TENM2: variants seen among roughly 807,000 people sequenced by gnomAD.
TENM2 encodes the protein teneurin-2.
Under a neutral mutation model 245.2 loss-of-function variants are expected in TENM2, and 52 were observed. The ratio of observed to expected loss-of-function variants is 0.21; its 90% CI spans 0.17 to 0.27. The LOEUF (loss-of-function observed/expected upper bound fraction) is 0.27, where lower values mean the gene tolerates loss of function less well. Among genes scored for constraint, TENM2 ranks in the 10% least tolerant of loss-of-function variants. TENM2 has a pLI of 1.00. For synonymous variants in TENM2, 1,363 were observed against 1,438.9 expected (o/e 0.95, Z 1.19); for missense variants, 3,046 against 3,666.8 (o/e 0.83, Z 4.37).
intron 2 of TENM2, among the ~76,000 whole-genome samples, chr5:167,813,816 T>G (rs1766826368): frequency 6.6e-6 from 1 of 152,170 alleles, no homozygotes; most frequent in African/African-American, 2.4e-5. Flanking sequence ...GGTGATGAAT[T>G]TTTAAATCCT....
intron 1 of TENM2, among the ~76,000 whole-genome samples, chr5:167,317,248 G>A (rs1756418683): frequency 1.3e-5 from 2 of 152,092 alleles, no homozygotes; most frequent in South Asian, 2.1e-4. Flanking sequence ...ATGGCCATTG[G>A]TGTTTTGTCT....
chr5:167,837,122 A>C (rs1477025957), intron 2 of TENM2, among the ~76,000 whole-genome samples: 1 of 152,030 alleles, frequency 6.6e-6, no homozygotes, highest in Non-Finnish European at 1.5e-5. Flanking sequence ...ATAGTGTTTT[A>C]TAATATATTT....
chr5:167,627,061 C>T (rs1406177564), intron 2 of TENM2, among the ~76,000 whole-genome samples: 1 of 152,158 alleles, frequency 6.6e-6, no homozygotes, highest in Non-Finnish European at 1.5e-5. Flanking sequence ...ATTTTTATTT[C>T]ATGAATTGGA....
chr5:168,071,204 A>G (rs1790987866), intron 7 of TENM2, among the ~76,000 whole-genome samples: 1 of 152,204 alleles, frequency 6.6e-6, no homozygotes, highest in Non-Finnish European at 1.5e-5. Context: ...GCTCAGAGCA[A>G]TCAATATTGG....
chr5:167,234,758 C>G, the TENM2 span, among the ~76,000 whole-genome samples: 1 of 152,092 alleles, frequency 6.6e-6, no homozygotes, highest in African/African-American at 2.4e-5. Flanking sequence ...GGCTTGTCCT[C>G]CATCATGGGC....
intron 1 of TENM2, among the ~76,000 whole-genome samples, chr5:167,304,846 GT>G: frequency 6.6e-6 from 1 of 152,238 alleles, no homozygotes; most frequent in Non-Finnish European, 1.5e-5. Flanking sequence ...AGAGCTGTCA[GT>G]TCAGATTTCA....
At chr5:167,238,576 A>C in the TENM2 span, among the ~76,000 whole-genome samples, 1 of 152,128 alleles carries the variant, frequency 6.6e-6, no homozygotes, top group Non-Finnish European at 1.5e-5. Flanking sequence ...TTTGCGGGAC[A>C]AGCCTGCTAG....
At chr5:167,721,575 G>C (rs989241991) in intron 2 of TENM2, among the ~76,000 whole-genome samples, 55 of 152,166 alleles carry the variant, frequency 3.6e-4, no homozygotes, top group African/African-American at 1.3e-3. Context: ...AAAGCCAGAA[G>C]TGTAGCCTCT....
At chr5:167,738,209 C>A (rs185680673) in intron 2 of TENM2, among the ~76,000 whole-genome samples, 128 of 152,292 alleles carry the variant, frequency 8.4e-4, no homozygotes, top group Middle Eastern at 3.4e-3. Context: ...AATGCAGTAG[C>A]ACGGTGGAAG....
intron 13 of TENM2, among the ~76,000 whole-genome samples, chr5:168,180,155 C>G (rs901170700): frequency 6.6e-6 from 1 of 152,206 alleles, no homozygotes; most frequent in African/African-American, 2.4e-5. Context: ...GGAGGTATGG[C>G]TGGTCCTTCC....
chr5:167,872,548 G>GAAAGAAAGAGAGAGAAAGAA (rs1313191288), intron 2 of TENM2, among the ~76,000 whole-genome samples: 2 of 65,438 alleles, frequency 3.1e-5, no homozygotes, highest in African/African-American at 4.4e-5. Context: ...AAGAAAGAAA[G>GAAAGAAAGAGAGAGAAAGAA]AGAAAGAAAG....
intron 5 of TENM2, among the ~76,000 whole-genome samples, chr5:168,041,938 T>C (rs901970924): frequency 2.0e-5 from 3 of 152,266 alleles, no homozygotes; most frequent in African/African-American, 7.2e-5. Flanking sequence ...GCAGGTTGCC[T>C]ATGCAAGTTC....
At chr5:167,368,460 T>G (rs1408911445) in intron 1 of TENM2, among the ~76,000 whole-genome samples, 1 of 152,208 alleles carries the variant, frequency 6.6e-6, no homozygotes, top group Non-Finnish European at 1.5e-5. Context: ...AGTTCATTAA[T>G]TTTCCTAAGG....
At chr5:167,399,511 C>A (rs538089868) in intron 2 of TENM2, among the ~76,000 whole-genome samples, 1 of 152,298 alleles carries the variant, frequency 6.6e-6, no homozygotes, top group Admixed American at 6.5e-5. Flanking sequence ...AAAATCCCTG[C>A]CCCCAAGTAA....
chr5:167,070,568 G>A, the TENM2 span, among the ~76,000 whole-genome samples: 1 of 151,976 alleles, frequency 6.6e-6, no homozygotes, highest in East Asian at 1.9e-4. Flanking sequence ...ATGTGCCATT[G>A]TGTTAAGTGA....
intron 2 of TENM2, among the ~76,000 whole-genome samples, chr5:167,642,302 GAGA>G (rs1203417382): frequency 6.6e-6 from 1 of 152,094 alleles, no homozygotes; most frequent in Admixed American, 6.6e-5. Context: ...TTCAGGGAAT[GAGA>G]AGGAGACAAT....
intron 5 of TENM2, among the ~76,000 whole-genome samples, chr5:168,030,484 C>G (rs1787045691): frequency 6.6e-6 from 1 of 152,144 alleles, no homozygotes; most frequent in African/African-American, 2.4e-5. Flanking sequence ...GACCCCACCC[C>G]TGAGTTTCTG....
intron 5 of TENM2, among the ~76,000 whole-genome samples, chr5:168,030,518 C>T (rs1163020942): frequency 6.6e-6 from 1 of 152,120 alleles, no homozygotes; most frequent in East Asian, 1.9e-4. Flanking sequence ...GAGTATGGCC[C>T]AGTAATTTCC....
chr5:167,199,994 G>C, the TENM2 span, among the ~76,000 whole-genome samples: 1 of 152,054 alleles, frequency 6.6e-6, no homozygotes, highest in East Asian at 1.9e-4. Context: ...GGCCTGGTAA[G>C]AGCTGGAACT....
Sources: gnomAD v4.1 joint callset for allele counts (sites outside exome capture counted in the v4.1 genomes callset) on GRCh38, gnomAD v4.1.1 for gene constraint, MANE v1.5 for transcripts, NCBI Gene and HGNC (gene_info 2026-07-23, HGNC 2026-07-21) for gene names.